The following TSPEAR variants were observed in gnomAD, a reference collection of about 807,000 sequenced individuals.
The protein encoded by TSPEAR is thrombospondin-type laminin G domain and EAR repeat-containing protein.
In TSPEAR, 69 loss-of-function variants were observed where a neutral mutation model predicts 71.6. That is an observed-to-expected ratio of 0.96 (90% CI 0.79 to 1.18). The LOEUF (loss-of-function observed/expected upper bound fraction) is 1.18, where lower values mean the gene tolerates loss of function less well. Among genes scored for constraint, TSPEAR ranks in the 50% most tolerant of loss-of-function variants. The pLI, the probability that TSPEAR is intolerant of heterozygous loss-of-function variation, is 0.00. For missense variants in TSPEAR, 971 were observed against 894.9 expected, an observed-to-expected ratio of 1.09 and a Z score of -1.09; for synonymous variants, 402 against 387.2, an observed-to-expected ratio of 1.04 and a Z score of -0.45.
chr21:44,553,644 C>T (rs1481360751), intron 2 of TSPEAR, among the ~76,000 whole-genome samples: 1 of 152,072 alleles, frequency 6.6e-6, no homozygotes, highest in Non-Finnish European at 1.5e-5. Context: ...AATTGAGGAT[C>T]AGGTATTCTG....
chr21:44,599,134 TTCTCTCTCTCTCTCTC>T (rs58774528), intron 1 of TSPEAR, among the ~76,000 whole-genome samples: 4 of 92,280 alleles, frequency 4.3e-5, no homozygotes, highest in African/African-American at 1.3e-4. Context: ...GGCCCCCATT[TTCTCTCTCTCTCTCTC>T]TCTCTCTCTC....
chr21:44,692,070 G>A (rs189723578), intron 1 of TSPEAR, among the ~76,000 whole-genome samples: 8 of 152,272 alleles, frequency 5.3e-5, no homozygotes, highest in Admixed American at 4.6e-4. Flanking sequence ...AATAATCAAT[G>A]TAGTATACCA....
intron 1 of TSPEAR, among the ~76,000 whole-genome samples, chr21:44,610,869 C>T (rs782599079): frequency 1.4e-4 from 22 of 152,310 alleles, no homozygotes; most frequent in Non-Finnish European, 2.4e-4. Context: ...TGGAGTCAAA[C>T]GAGATCATTT....
intron 1 of TSPEAR, chr21:44,697,639 G>A (rs199697371): frequency 5.7e-5 from 92 of 1,610,378 alleles, no homozygotes; most frequent in African/African-American, 8.2e-5. Context: ...TCTCCTCCCC[G>A]TGTCAACAGT....
rs1555924001 is a variant in TSPEAR at position 44,576,412 on chromosome 21, AG to A, written c.83-8408del. Among the ~76,000 whole-genome samples, 4 of 144,192 alleles carry A rather than the reference AG, an allele frequency of 2.8e-5. No homozygotes were observed. The South Asian group carries it at 6.9e-4, about 25-fold the overall frequency. 94.6% of individuals were successfully genotyped at this position (144,192 alleles called of 152,430 possible). On this transcript the variant is annotated intron_variant, in intron 1 of 11. Coordinates refer to ENST00000323084, the MANE Select transcript of TSPEAR (RefSeq NM_144991.3). ...ACACACGGACGTCCCAGGGTGGGTG[AG>A]GGGGCAAACCTCATGGGTGAACAGA...
intron 2 of TSPEAR, among the ~76,000 whole-genome samples, chr21:44,536,745 TCTC>T (rs1199205655): frequency 5.9e-5 from 9 of 152,144 alleles, no homozygotes; most frequent in African/African-American, 2.2e-4. Context: ...GAAGTTAAAT[TCTC>T]CTTATTTTCA....
intron 1 of TSPEAR, among the ~76,000 whole-genome samples, chr21:44,684,509 G>A (rs550636241): frequency 6.6e-6 from 1 of 152,330 alleles, no homozygotes; most frequent in East Asian, 1.9e-4. Context: ...ACTTCAGCCT[G>A]GGTGACCAAG....
intron 1 of TSPEAR, chr21:44,601,751 C>A (rs782301021): frequency 1.3e-6 from 2 of 1,596,094 alleles, no homozygotes; most frequent in Non-Finnish European, 1.7e-6. Flanking sequence ...TCCTTAAGAT[C>A]ATCCAAAGCC....
intron 8 of TSPEAR, among the ~76,000 whole-genome samples, chr21:44,525,020 T>C (rs1409713698): frequency 1.3e-5 from 2 of 151,364 alleles, no homozygotes; most frequent in Non-Finnish European, 2.9e-5. Flanking sequence ...GCCAGTCAGA[T>C]AGTTAGTCAT....
chr21:44,569,321 G>A (rs782441879), intron 1 of TSPEAR, among the ~76,000 whole-genome samples: 8 of 152,176 alleles, frequency 5.3e-5, no homozygotes, highest in South Asian at 4.1e-4. Flanking sequence ...AGCCGTGCAC[G>A]TCCGCAAGTG....
chr21:44,646,794 T>G, intron 1 of TSPEAR: 1 of 1,581,722 alleles, frequency 6.3e-7, no homozygotes, highest in African/African-American at 1.5e-5. Flanking sequence ...GCTGCAAGCC[T>G]GTGTGCTGTG....
Position 44,499,010 on chromosome 21 carries a change from A to C in TSPEAR, c.*773T>G, listed in dbSNP as rs2051977797. On this transcript the variant is annotated 3_prime_UTR_variant, in exon 12 of 12. Coordinates refer to ENST00000323084, the MANE Select transcript of TSPEAR (RefSeq NM_144991.3). ...GAGCTAGGACAGCCAGCACACAGGC[A>C]GACGGAGGCACGCAGCCTGAGTCCC... The C allele has an allele frequency of 6.6e-6, 1 of 152,310 alleles. No homozygotes were observed. The highest frequency in any genetic ancestry group is 2.1e-4 in the South Asian group (1 of 4,834). 9.4% of individuals were successfully genotyped at this position (152,310 alleles called of 1,614,324 possible).
intron 1 of TSPEAR, among the ~76,000 whole-genome samples, chr21:44,596,036 A>C (rs1980345929): frequency 6.6e-6 from 1 of 152,280 alleles, no homozygotes; most frequent in East Asian, 1.9e-4. Context: ...GCACAGTTAA[A>C]TTGGGGTCTC....
At position 44,531,049 on chromosome 21, in the gene TSPEAR, C is replaced by T. The variant is rs1432005126; in HGVS notation, c.627G>A (p.Leu209=). The T allele has an allele frequency of 6.2e-7, 1 of 1,613,380 alleles. No homozygotes were observed. Among genetic ancestry groups the T allele is most frequent in the East Asian group, 2.2e-5 (1 of 44,902 alleles). Residue 209 remains leucine, a synonymous_variant, in exon 4 of 12, where the codon CTG becomes CTA. Transcript: ENST00000323084. ...GCAGCCCCTCCATACTCGCCATGAA[C>T]AGGCCTTTGGCTCTCCTCCGGCTGC... The part of the protein sequence containing the change: ...FVGSRRRAKG[L]FMGLVRQLVL...
intron 1 of TSPEAR, among the ~76,000 whole-genome samples, chr21:44,696,239 C>A (rs1296984475): frequency 6.6e-6 from 1 of 152,210 alleles, no homozygotes; most frequent in South Asian, 2.1e-4. Flanking sequence ...CAATCCCACA[C>A]CGCCATGTCT....
chr21:44,599,056 A>C (rs1980563616), intron 1 of TSPEAR, among the ~76,000 whole-genome samples: 1 of 151,730 alleles, frequency 6.6e-6, no homozygotes, highest in Admixed American at 6.6e-5. Context: ...CATTTTGTTC[A>C]GCTTTTCAAG....
In TSPEAR at chr21:44,671,038, C is replaced by G. The variant is rs141313146; in HGVS notation, c.82+40395G>C. ...ACACTGTGTGGCCTGGCACTGCACC[C>G]TCAGTGCCCAAGCATACCATCTGGG... On this transcript the variant is annotated intron_variant, in intron 1 of 11. Transcript: ENST00000323084. Among the ~76,000 whole-genome samples, 279 of 152,346 alleles carry G rather than the reference C, an allele frequency of 1.8e-3. 3 individuals are homozygous for G. Among genetic ancestry groups the G allele is most frequent in the African/African-American group, 6.5e-3 (270 of 41,576 alleles).
intron 2 of TSPEAR, chr21:44,558,155 G>A (rs782513964): frequency 9.3e-6 from 15 of 1,613,352 alleles, no homozygotes; most frequent in South Asian, 6.6e-5. Context: ...GGCGGCAGCA[G>A]CTGGGCTGGC....
rs587769658 is a variant in TSPEAR, at chr21:44,518,110, T to G, written c.1566+3773A>C. ...GCAATTGCATTTTTAATGTCCAAGC[T>G]CTCTGTCTCATTAGTAGCATTTTTT... On this transcript the variant is annotated intron_variant, in intron 9 of 11. Coordinates refer to ENST00000323084, the MANE Select transcript of TSPEAR (RefSeq NM_144991.3). 6.4e-4 allele frequency: 230 copies of G among 357,136 alleles called. 1 individual carries two copies. Among genetic ancestry groups the G allele is most frequent in the African/African-American group, 4.7e-3 (221 of 46,778 alleles). 22.1% of individuals were successfully genotyped at this position (357,136 alleles called of 1,614,324 possible). A position where few individuals can be genotyped will look rare whatever the true frequency, so the allele number is the denominator to read the frequency against.
Sources: gnomAD v4.1 joint callset for allele counts (sites outside exome capture counted in the v4.1 genomes callset) on GRCh38, gnomAD v4.1.1 for gene constraint, MANE v1.5 for transcripts, NCBI Gene and HGNC (gene_info 2026-07-23, HGNC 2026-07-21) for gene names.